The following AGMO variants were observed in gnomAD, a reference collection of about 807,000 sequenced individuals.
AGMO encodes alkylglycerol monooxygenase.
In AGMO, 75 loss-of-function variants were observed where a neutral mutation model predicts 60.2. That is an observed-to-expected ratio of 1.25 (90% CI 1.03 to 1.51). The LOEUF is 1.51. Ranked by LOEUF, AGMO falls within the 40% of genes most tolerant of loss-of-function variation. AGMO has a pLI of 0.00. For synonymous variants in AGMO, 261 were observed against 177.1 expected (o/e 1.47, Z -3.76); for missense variants, 763 against 525.5 (o/e 1.45, Z -4.42).
chr7:15,137,105 G>A, the AGMO span, among the ~76,000 whole-genome samples: 6 of 152,164 alleles, frequency 3.9e-5, no homozygotes, highest in Admixed American at 3.9e-4. Flanking sequence ...TCTGGTTATA[G>A]AAGCCTAGGT....
intron 12 of AGMO, among the ~76,000 whole-genome samples, chr7:15,291,182 T>TA (rs1345706070): frequency 6.6e-6 from 1 of 152,184 alleles, no homozygotes; most frequent in Admixed American, 6.5e-5. Flanking sequence ...AACTTTTAAT[T>TA]TATCTTTTTA....
intron 12 of AGMO, among the ~76,000 whole-genome samples, chr7:15,303,700 T>C (rs780303371): frequency 3.3e-5 from 5 of 152,014 alleles, no homozygotes; most frequent in Non-Finnish European, 7.4e-5. Context: ...AAGAAGGAAG[T>C]GGAGCATGGG....
intron 2 of AGMO, among the ~76,000 whole-genome samples, chr7:15,552,896 C>T (rs1231857124): frequency 4.0e-5 from 6 of 149,996 alleles, no homozygotes; most frequent in Admixed American, 2.0e-4. Context: ...GCATTATTCA[C>T]GATAGCAAAG....
chr7:15,358,451 G>A (rs1284035984), intron 12 of AGMO: 12 of 471,018 alleles, frequency 2.5e-5, no homozygotes, highest in Admixed American at 4.7e-5. Flanking sequence ...GTTTCCTAAA[G>A]GGTGAGATAC....
chr7:15,200,232 A>G (rs994916723), downstream of AGMO: 1 of 152,026 alleles, frequency 6.6e-6, no homozygotes, highest in African/African-American at 2.4e-5. Flanking sequence ...CATTCTTTGG[A>G]CTTCATCCTG....
chr7:15,227,042 TCTTC>T (rs1782104287), intron 12 of AGMO, among the ~76,000 whole-genome samples: 1 of 152,020 alleles, frequency 6.6e-6, no homozygotes, highest in African/African-American at 2.4e-5. Flanking sequence ...CGCAAAAGTC[TCTTC>T]CTTAACTTCA....
At chr7:15,302,197 A>C (rs1410453258) in intron 12 of AGMO, among the ~76,000 whole-genome samples, 2 of 152,174 alleles carry the variant, frequency 1.3e-5, no homozygotes, top group Admixed American at 1.3e-4. Flanking sequence ...AAATTTGATA[A>C]TTTCTCTTGA....
the AGMO span, among the ~76,000 whole-genome samples, chr7:15,186,381 C>A: frequency 6.6e-6 from 1 of 152,122 alleles, no homozygotes; most frequent in Non-Finnish European, 1.5e-5. Context: ...TTTCCAGAGC[C>A]CTTTGGCTCC....
chr7:15,354,343 C>CGCGTGTATATACGTAT lies in AGMO; in HGVS notation c.1263+11170_1263+11171insATACGTATATACACGC, dbSNP rs1563104866. ...GTATATACGTACGCGTGTATATACACGCGTGTATATAGACGTGTGTATATA... is the reference window on the plus strand; with the variant it reads ...GTATATACGTACGCGTGTATATACACGCGTGTATATACGTATGCGTGTATATAGACGTGTGTATATA... On this transcript the variant is annotated intron_variant, in intron 12 of 12. Coordinates refer to ENST00000342526, the MANE Select transcript of AGMO (RefSeq NM_001004320.2). Among the ~76,000 whole-genome samples, 81 of 86,964 alleles carry CGCGTGTATATACGTAT rather than the reference C, an allele frequency of 9.3e-4. 7 individuals are homozygous for CGCGTGTATATACGTAT. Among genetic ancestry groups the CGCGTGTATATACGTAT allele is most frequent in the Admixed American group, 3.4e-3 (32 of 9,302 alleles). The allele number at this position is 86,964 out of a possible 152,430, so 57.1% of individuals were successfully genotyped here.
Position 15,390,719 on chromosome 7 carries a change from T to C in AGMO, c.774A>G (p.Val258=), listed in dbSNP as rs768314273. ...GTFEAENEKV[V]YGLTHPINTF... ...TATTAATGGGATGTGTTAAGCCATA[T>C]ACAACTTTTTCATTTTCTGCTTCAA... The change falls in exon 8 of 13, where the codon GTA becomes GTG. Residue 258 remains valine, a synonymous_variant. Coordinates refer to ENST00000342526, the MANE Select transcript of AGMO (RefSeq NM_001004320.2). 6.2e-7 allele frequency: 1 copy of C among 1,611,620 alleles called. No individual in the cohort carries two copies. The highest frequency in any genetic ancestry group is 8.5e-7 in the Non-Finnish European group (1 of 1,178,466).
chr7:15,233,630 A>C (rs10271067), intron 12 of AGMO, among the ~76,000 whole-genome samples: 32,416 of 152,028 alleles, frequency 0.21, 3,711 homozygotes, highest in South Asian at 0.34. Context: ...CCATGTACTT[A>C]AGCATGAAAA....
intron 3 of AGMO, among the ~76,000 whole-genome samples, chr7:15,451,715 A>G: frequency 6.6e-6 from 1 of 152,178 alleles, no homozygotes; most frequent in Non-Finnish European, 1.5e-5. Context: ...TTAAATTTAA[A>G]GGAGTTTAAT....
intron 12 of AGMO, among the ~76,000 whole-genome samples, chr7:15,237,342 T>TAAGAAGCTCATGCAGGC: frequency 6.6e-6 from 1 of 152,150 alleles, no homozygotes; most frequent in South Asian, 2.1e-4. Flanking sequence ...CAAAGGAAGG[T>TAAGAAGCTCATGCAGGC]AAGAAGCTCA....
chr7:15,315,009 C>G (rs1047862691), intron 12 of AGMO, among the ~76,000 whole-genome samples: 1 of 152,076 alleles, frequency 6.6e-6, no homozygotes, highest in African/African-American at 2.4e-5. Context: ...TACTAACCGC[C>G]AGCTGATAGC....
chr7:15,300,231 A>G (rs1371332946), intron 12 of AGMO, among the ~76,000 whole-genome samples: 4 of 152,092 alleles, frequency 2.6e-5, no homozygotes, highest in Admixed American at 2.0e-4. Context: ...ATTAAAGCAC[A>G]GTGAGGGAAG....
At chr7:15,259,095 C>A (rs577716632) in intron 12 of AGMO, among the ~76,000 whole-genome samples, 1 of 151,652 alleles carries the variant, frequency 6.6e-6, no homozygotes, top group Non-Finnish European at 1.5e-5. Flanking sequence ...TTCAGAAAGT[C>A]GATTACAAAG....
chr7:15,131,379 C>T, the AGMO span, among the ~76,000 whole-genome samples: 2 of 152,112 alleles, frequency 1.3e-5, no homozygotes, highest in Non-Finnish European at 2.9e-5. Context: ...GGCAGCACAG[C>T]TCCAACTTAC....
chr7:15,289,943 C>CTT (rs36074413), intron 12 of AGMO, among the ~76,000 whole-genome samples: 695 of 31,348 alleles, frequency 0.022, 84 homozygotes, highest in African/African-American at 0.06. Flanking sequence ...TTCCAGAAAT[C>CTT]TTTTTTTTTT....
At chr7:15,207,434 T>A (rs1248684466) in intron 12 of AGMO, among the ~76,000 whole-genome samples, 5 of 152,244 alleles carry the variant, frequency 3.3e-5, no homozygotes, top group Non-Finnish European at 7.3e-5. Flanking sequence ...TGTGGATTTT[T>A]AAATTGTCTT....
Sources: gnomAD v4.1 joint callset for allele counts (sites outside exome capture counted in the v4.1 genomes callset) on GRCh38, gnomAD v4.1.1 for gene constraint, MANE v1.5 for transcripts, NCBI Gene and HGNC (gene_info 2026-07-23, HGNC 2026-07-21) for gene names.